The following TRAPPC6B variants were observed in gnomAD, a reference collection of about 807,000 sequenced individuals.
TRAPPC6B encodes the protein TRAPP complex subunit 6B.
TRAPPC6B carries 27 observed loss-of-function variants against 24.7 expected under a neutral mutation model. That is an observed-to-expected ratio of 1.09 (90% confidence interval 0.81 to 1.51). The LOEUF is 1.51. Ranked by LOEUF, TRAPPC6B falls within the 40% of genes most tolerant of loss-of-function variation. The pLI is 0.00. For synonymous variants in TRAPPC6B, 80 were observed against 66.6 expected, an observed-to-expected ratio of 1.20 and a Z score of -0.98; for missense variants, 212 against 190.8, an observed-to-expected ratio of 1.11 and a Z score of -0.66.
chr14:39,159,974 C>A (rs1428567168), intron 1 of TRAPPC6B, among the ~76,000 whole-genome samples: 1 of 152,042 alleles, frequency 6.6e-6, no homozygotes, highest in Non-Finnish European at 1.5e-5. Flanking sequence ...AAGCACCCAC[C>A]ACCATGCCTG....
intron 1 of TRAPPC6B, among the ~76,000 whole-genome samples, chr14:39,167,625 C>T (rs919321615): frequency 1.3e-5 from 2 of 152,068 alleles, no homozygotes; most frequent in Admixed American, 6.6e-5. Flanking sequence ...CTTATATACC[C>T]GTATTTCAGT....
At chr14:39,169,622 G>A (rs187374915) in intron 1 of TRAPPC6B, among the ~76,000 whole-genome samples, 26 of 152,278 alleles carry the variant, frequency 1.7e-4, no homozygotes, top group Admixed American at 1.6e-3. Flanking sequence ...AGGAAGGAGG[G>A]ACAGGCTTCT....
rs950804651 is a variant in TRAPPC6B at position 39,148,405 on chromosome 14, C to G, written c.*1945G>C. On this transcript the variant is annotated 3_prime_UTR_variant, in exon 6 of 6. Coordinates refer to ENST00000330149, the MANE Select transcript of TRAPPC6B (RefSeq NM_001079537.2). Reference sequence around the variant, plus strand: ...ACCCTCTCTAGGCTAGGGAAGCACCCTATTCTATAGCACAAGGCAGCCATA... The same window carrying G: ...ACCCTCTCTAGGCTAGGGAAGCACCGTATTCTATAGCACAAGGCAGCCATA... 5.9e-6 allele frequency: 2 copies of G among 337,050 alleles called. No homozygotes were observed. The highest frequency in any genetic ancestry group is 4.2e-5 in the African/African-American group (2 of 47,572). 20.9% of individuals were successfully genotyped at this position (337,050 alleles called of 1,614,324 possible). A position where few individuals can be genotyped will look rare whatever the true frequency, so the allele number is the denominator to read the frequency against.
chr14:39,162,627 T>C (rs2053071036), intron 1 of TRAPPC6B, among the ~76,000 whole-genome samples: 1 of 152,260 alleles, frequency 6.6e-6, no homozygotes, highest in African/African-American at 2.4e-5. Flanking sequence ...ATTTGCTTTC[T>C]GCTCTAAGTT....
At chr14:39,166,616 C>T (rs1179591421) in intron 1 of TRAPPC6B, among the ~76,000 whole-genome samples, 1 of 151,666 alleles carries the variant, frequency 6.6e-6, no homozygotes, top group Admixed American at 6.6e-5. Context: ...TAAGGTTAGG[C>T]TTATGAGAGG....
chr14:39,166,037 T>C (rs974730572), intron 1 of TRAPPC6B, among the ~76,000 whole-genome samples: 1 of 152,096 alleles, frequency 6.6e-6, no homozygotes, highest in Admixed American at 6.5e-5. Flanking sequence ...CTCCTGTCCT[T>C]GTGACCTGCC....
In TRAPPC6B at chr14:39,169,827, C is replaced by T. The variant is rs185803489; in HGVS notation, c.81+188G>A. Among the ~76,000 whole-genome samples, 78 of 152,180 alleles carry T rather than the reference C, an allele frequency of 5.1e-4. No individual in the cohort carries two copies. The East Asian group carries it at 7.5e-3, about 15-fold the overall frequency. ...ATAGAAGAAGATACGAAAGAGAAAA[C>T]GATGAAAGATGACGGTTCAAAGGAG... On this transcript the variant is annotated intron_variant, in intron 1 of 5. Coordinates refer to ENST00000330149, the MANE Select transcript of TRAPPC6B (RefSeq NM_001079537.2).
chr14:39,148,814 T>C lies in TRAPPC6B; in HGVS notation c.*1536A>G, dbSNP rs902673973. 2.5e-6 allele frequency: 1 copy of C among 398,286 alleles called. No homozygotes were observed. Among genetic ancestry groups the C allele is most frequent in the Non-Finnish European group, 4.4e-6 (1 of 225,898 alleles). 24.7% of individuals were successfully genotyped at this position (398,286 alleles called of 1,614,324 possible). A position where few individuals can be genotyped will look rare whatever the true frequency, so the allele number is the denominator to read the frequency against. Reference sequence around the variant, plus strand: ...GAAATGCATCATCATTAGGAGATTTTAAAATTGTACAATCACAGAGTGTAC... The same window carrying C: ...GAAATGCATCATCATTAGGAGATTTCAAAATTGTACAATCACAGAGTGTAC... On this transcript the variant is annotated 3_prime_UTR_variant, in exon 6 of 6. Transcript: ENST00000330149.
intron 1 of TRAPPC6B, among the ~76,000 whole-genome samples, chr14:39,162,268 C>G (rs972457746): frequency 6.6e-6 from 1 of 152,038 alleles, no homozygotes; most frequent in African/African-American, 2.4e-5. Flanking sequence ...TCAAGCAATC[C>G]TCCCACCTCA....
chr14:39,159,068 A>T (rs2053021911), intron 2 of TRAPPC6B: 1 of 152,632 alleles, frequency 6.6e-6, no homozygotes, highest in African/African-American at 2.4e-5. Flanking sequence ...GAAATACTAA[A>T]AAGAACTGAT....
chr14:39,166,044 TGCCTGCCTTG>T (rs1170255794), intron 1 of TRAPPC6B, among the ~76,000 whole-genome samples: 1 of 152,078 alleles, frequency 6.6e-6, no homozygotes, highest in Non-Finnish European at 1.5e-5. Context: ...CCTTGTGACC[TGCCTGCCTTG>T]GCCTCCCAAA....
In TRAPPC6B at chr14:39,170,314, C is replaced by A; in HGVS notation, c.-219G>T. ...GCCCACACTTCGGGGCTACCAAATC[C>A]TAGGGCCGAACTAAAGTCTGACGGG... On this transcript the variant is annotated 5_prime_UTR_variant, in exon 1 of 6. The change creates a new upstream start codon in the 5' untranslated region. Coordinates refer to ENST00000330149, the MANE Select transcript of TRAPPC6B (RefSeq NM_001079537.2). 2 of 564,448 alleles carry A rather than the reference C, an allele frequency of 3.5e-6. No individual in the cohort carries two copies. Among genetic ancestry groups the A allele is most frequent in the Non-Finnish European group, 6.2e-6 (2 of 321,306 alleles). The allele number at this position is 564,448 out of a possible 1,614,324, so 35.0% of individuals were successfully genotyped here. A position where few individuals can be genotyped will look rare whatever the true frequency, so the allele number is the denominator to read the frequency against.
rs35051396 is a variant in TRAPPC6B at position 39,149,917 on chromosome 14, TA to T, written c.*432del. 1.6e-3 allele frequency: 248 copies of T among 153,872 alleles called. No homozygotes were observed. Among genetic ancestry groups the T allele is most frequent in the Admixed American group, 6.8e-3 (104 of 15,296 alleles). The allele number at this position is 153,872 out of a possible 1,614,324, so 9.5% of individuals were successfully genotyped here. On this transcript the variant is annotated 3_prime_UTR_variant, in exon 6 of 6. Transcript: ENST00000330149. ...TCTTAATAAATTATAAGCAATAAAA[TA>T]AAAAAAATTTAGTATGTTTGCTTTT...
intron 5 of TRAPPC6B, among the ~76,000 whole-genome samples, chr14:39,150,727 C>T (rs1355785604): frequency 1.3e-5 from 2 of 152,014 alleles, no homozygotes; most frequent in African/African-American, 4.8e-5. Context: ...TTAGTAGAGA[C>T]AGGGTTTCAC....
At chr14:39,157,205 T>C (rs8018378) in intron 3 of TRAPPC6B, 11,816 of 336,684 alleles carry the variant, frequency 0.035, 1,338 homozygotes, top group African/African-American at 0.24. Flanking sequence ...CCACCCAATA[T>C]GGACCTCACT....
At chr14:39,162,831 G>A (rs2053072706) in intron 1 of TRAPPC6B, among the ~76,000 whole-genome samples, 1 of 152,144 alleles carries the variant, frequency 6.6e-6, no homozygotes. Context: ...CTGATGGACT[G>A]TCCTCTACAA....
chr14:39,169,314 A>G (rs906701855), intron 1 of TRAPPC6B, among the ~76,000 whole-genome samples: 3 of 150,904 alleles, frequency 2.0e-5, no homozygotes, highest in African/African-American at 7.3e-5. Flanking sequence ...CAGGCCCACA[A>G]TGATTGAATA....
rs2053035676 is a variant in TRAPPC6B, at chr14:39,159,898, C to T, written c.82-348G>A. Among the ~76,000 whole-genome samples, 5 of 152,274 alleles carry T rather than the reference C, an allele frequency of 3.3e-5. No individual in the cohort carries two copies. In the South Asian group the frequency reaches 1.0e-3, roughly 32 times the overall value. Reference sequence around the variant, plus strand: ...AGTACAGTGGGGCCATCTCGGCTCACTGCAACCTCCATCTACAGGGTTCAA... The same window carrying T: ...AGTACAGTGGGGCCATCTCGGCTCATTGCAACCTCCATCTACAGGGTTCAA... On this transcript the variant is annotated intron_variant, in intron 1 of 5. Coordinates refer to ENST00000330149, the MANE Select transcript of TRAPPC6B (RefSeq NM_001079537.2).
chr14:39,159,471 C>A lies in TRAPPC6B; in HGVS notation c.149+12G>T. On this transcript the variant is annotated intron_variant, in intron 2 of 5. Transcript: ENST00000330149. ...CTACCTGCAAGAAAATTTTCAAATC[C>A]AACCTGCTCACCTTTCTATCAATCC... is the stretch of plus-strand genomic sequence containing the variant. 6.4e-7 allele frequency: 1 copy of A among 1,563,504 alleles called. No homozygotes were observed. Among genetic ancestry groups the A allele is most frequent in the Non-Finnish European group, 8.7e-7 (1 of 1,153,794 alleles).
Sources: gnomAD v4.1 joint callset for allele counts (sites outside exome capture counted in the v4.1 genomes callset) on GRCh38, gnomAD v4.1.1 for gene constraint, MANE v1.5 for transcripts, NCBI Gene and HGNC (gene_info 2026-07-23, HGNC 2026-07-21) for gene names.